Variants in SRRM4 observed in about 807,000 individuals in gnomAD.
SRRM4 encodes serine/arginine repetitive matrix protein 4.
In SRRM4, 33 loss-of-function variants were observed where a neutral mutation model predicts 68.9. The ratio of observed to expected loss-of-function variants is 0.48; its 90% CI spans 0.36 to 0.64. The LOEUF is 0.64. SRRM4 is among the 30% of genes least tolerant of loss of function. The pLI is 0.00. For synonymous variants in SRRM4, 318 were observed against 318.8 expected (o/e 1.00, Z 0.03); for missense variants, 817 against 827.1 (o/e 0.99, Z 0.15).
At chr12:119,035,097 AT>A (rs796954243) in intron 1 of SRRM4, among the ~76,000 whole-genome samples, 1 of 152,124 alleles carries the variant, frequency 6.6e-6, no homozygotes, top group African/African-American at 2.4e-5. Flanking sequence ...TTCTTGAATA[AT>A]TTTTTTCAGA....
chr12:119,117,593 T>C (rs1954188836), intron 4 of SRRM4, among the ~76,000 whole-genome samples: 1 of 119,846 alleles, frequency 8.3e-6, no homozygotes, highest in Admixed American at 9.1e-5. Flanking sequence ...TGGTGTTCAC[T>C]GTGCACACAC....
At chr12:119,094,785 G>A (rs76064038) in intron 1 of SRRM4, among the ~76,000 whole-genome samples, 32,267 of 152,146 alleles carry the variant, frequency 0.21, 4,120 homozygotes, top group South Asian at 0.28. Context: ...TGCAATTCCC[G>A]GTTTAGGGAT....
chr12:119,130,403 T>A, intron 7 of SRRM4, among the ~76,000 whole-genome samples: 1 of 90,972 alleles, frequency 1.1e-5, no homozygotes, highest in African/African-American at 3.8e-5. Flanking sequence ...AGATGGTTGC[T>A]TAGACAGATG....
chr12:119,106,101 T>A (rs540354166), intron 2 of SRRM4, among the ~76,000 whole-genome samples: 2 of 152,336 alleles, frequency 1.3e-5, no homozygotes, highest in South Asian at 4.1e-4. Flanking sequence ...GTCAGGTTTG[T>A]CAAAGATCAA....
At chr12:118,989,710 CA>C in intron 1 of SRRM4, 1 of 152,326 alleles carries the variant, frequency 6.6e-6, no homozygotes, top group Middle Eastern at 3.4e-3. Context: ...TTAAGTAATT[CA>C]TGTCTACGTG....
At chr12:119,118,706 A>G (rs1478256165) in intron 4 of SRRM4, among the ~76,000 whole-genome samples, 2 of 152,070 alleles carry the variant, frequency 1.3e-5, no homozygotes, top group Admixed American at 1.3e-4. Flanking sequence ...GCTCCTCCCA[A>G]TTTGGGGGTT....
At chr12:119,136,699 T>C (rs1045808006) in intron 8 of SRRM4, among the ~76,000 whole-genome samples, 3 of 152,144 alleles carry the variant, frequency 2.0e-5, no homozygotes, top group Admixed American at 6.5e-5. Flanking sequence ...TTTTCTTGTT[T>C]CAATTTGGGC....
intron 1 of SRRM4, among the ~76,000 whole-genome samples, chr12:119,012,739 AC>A: frequency 6.6e-6 from 1 of 152,094 alleles, no homozygotes; most frequent in East Asian, 1.9e-4. Flanking sequence ...CTCTGCAAAG[AC>A]CCTACAATGT....
At chr12:119,065,909 T>A (rs1298252459) in intron 1 of SRRM4, among the ~76,000 whole-genome samples, 1 of 151,870 alleles carries the variant, frequency 6.6e-6, no homozygotes, top group Non-Finnish European at 1.5e-5. Flanking sequence ...AAATGGTAAG[T>A]GGGTGAATTA....
intron 1 of SRRM4, among the ~76,000 whole-genome samples, chr12:118,997,209 T>G (rs1296851764): frequency 2.0e-5 from 3 of 152,162 alleles, no homozygotes; most frequent in African/African-American, 7.2e-5. Context: ...GAGGAAGGTG[T>G]TGGGAGGAGT....
intron 4 of SRRM4, among the ~76,000 whole-genome samples, chr12:119,119,384 C>T (rs1026152987): frequency 2.6e-5 from 4 of 151,712 alleles, no homozygotes; most frequent in African/African-American, 9.7e-5. Flanking sequence ...TGGGGAAAAT[C>T]GATCATTCTA....
At chr12:119,149,771 G>A (rs1287032962) in intron 9 of SRRM4, among the ~76,000 whole-genome samples, 4 of 152,328 alleles carry the variant, frequency 2.6e-5, no homozygotes, top group African/African-American at 4.8e-5. Context: ...GGAGTCAGGA[G>A]AGGAAAGAGT....
At chr12:119,075,550 G>T (rs1953904714) in intron 1 of SRRM4, among the ~76,000 whole-genome samples, 1 of 151,260 alleles carries the variant, frequency 6.6e-6, no homozygotes, top group Non-Finnish European at 1.5e-5. Flanking sequence ...CAATGATGGT[G>T]ATGATGATGG....
chr12:119,157,120 A>T lies in SRRM4; in HGVS notation c.*322A>T, dbSNP rs1954479319. On this transcript the variant is annotated 3_prime_UTR_variant, in exon 13 of 13. Transcript: ENST00000267260. The surrounding 1 kb of genome is among the most constrained non-coding windows in gnomAD (Gnocchi z 4.1). ...CAATGGGTCTGTGACTCAAAAATTG[A>T]GCCCTGGCCAGGAAAATGTGGAGAC... 1 of 299,400 alleles carries T rather than the reference A, an allele frequency of 3.3e-6. No individual in the cohort carries two copies. The highest frequency in any genetic ancestry group is 2.2e-5 in the African/African-American group (1 of 45,736). The allele number at this position is 299,400 out of a possible 1,614,324, so 18.5% of individuals were successfully genotyped here.
intron 1 of SRRM4, among the ~76,000 whole-genome samples, chr12:119,095,463 G>A (rs572257299): frequency 6.6e-6 from 1 of 152,270 alleles, no homozygotes; most frequent in African/African-American, 2.4e-5. Context: ...TGCCTCTCCA[G>A]GTTTCAGTGC....
At chr12:119,088,691 TG>T (rs1041281041) in intron 1 of SRRM4, among the ~76,000 whole-genome samples, 27 of 121,522 alleles carry the variant, frequency 2.2e-4, no homozygotes, top group Non-Finnish European at 4.4e-4. Flanking sequence ...GGGTAATAAG[TG>T]GGGGGCCACA....
chr12:119,076,170 A>G (rs924249747), intron 1 of SRRM4, among the ~76,000 whole-genome samples: 1 of 152,130 alleles, frequency 6.6e-6, no homozygotes, highest in African/African-American at 2.4e-5. Flanking sequence ...GATGATGACA[A>G]TGATGATGAT....
intron 8 of SRRM4, among the ~76,000 whole-genome samples, chr12:119,134,004 A>G (rs749092878): frequency 5.3e-5 from 8 of 152,146 alleles, no homozygotes; most frequent in Non-Finnish European, 1.0e-4. Flanking sequence ...GAGCCAATGA[A>G]GGGGGAAAAT....
At chr12:119,076,804 C>T (rs1305107097) in intron 1 of SRRM4, among the ~76,000 whole-genome samples, 2 of 152,136 alleles carry the variant, frequency 1.3e-5, no homozygotes, top group Non-Finnish European at 2.9e-5. Flanking sequence ...CCATGATTTG[C>T]CATTATAATT....
Sources: gnomAD v4.1 joint callset for allele counts (sites outside exome capture counted in the v4.1 genomes callset) on GRCh38, gnomAD v4.1.1 for gene constraint, Gnocchi (gnomAD v3.1) non-coding constraint, MANE v1.5 for transcripts, NCBI Gene and HGNC (gene_info 2026-07-23, HGNC 2026-07-21) for gene names.